ATG10: variants seen among roughly 807,000 people sequenced by gnomAD.
ATG10 encodes ubiquitin-like-conjugating enzyme ATG10.
A neutral mutation model predicts 32.1 loss-of-function variants in ATG10; 30 were observed. That is an observed-to-expected ratio of 0.94 (90% confidence interval 0.70 to 1.27). The LOEUF (loss-of-function observed/expected upper bound fraction) is 1.27, where lower values mean the gene tolerates loss of function less well. Among genes scored for constraint, ATG10 ranks in the 50% most tolerant of loss-of-function variants. ATG10 has a pLI of 0.00. For missense variants in ATG10, 233 were observed against 262.3 expected (o/e 0.89, Z 0.77); for synonymous variants, 87 against 91.5 (o/e 0.95, Z 0.28).
At chr5:82,057,242 T>C (rs1203751856) in intron 2 of ATG10, among the ~76,000 whole-genome samples, 2 of 152,172 alleles carry the variant, frequency 1.3e-5, no homozygotes, top group Non-Finnish European at 2.9e-5. Flanking sequence ...GTCAAGTGTC[T>C]TAAAAAATAG....
intron 2 of ATG10, chr5:82,010,239 C>T: frequency 1.4e-6 from 1 of 713,326 alleles, no homozygotes; most frequent in Non-Finnish European, 2.4e-6. Context: ...GAAAAATAAC[C>T]AATTATTTCA....
intron 2 of ATG10, among the ~76,000 whole-genome samples, chr5:81,999,155 A>G (rs899999062): frequency 3.9e-5 from 6 of 151,990 alleles, no homozygotes; most frequent in Admixed American, 3.9e-4. Flanking sequence ...AAAAAAAAAA[A>G]AAAAGCAGAA....
At chr5:82,063,922 T>A (rs955354097) in intron 3 of ATG10, among the ~76,000 whole-genome samples, 1 of 151,868 alleles carries the variant, frequency 6.6e-6, no homozygotes, top group African/African-American at 2.4e-5. Flanking sequence ...CACAACAGAC[T>A]CCCATGACAC....
At position 82,255,462 on chromosome 5, in the gene ATG10, G is replaced by A. The variant is rs1747429302; in HGVS notation, c.*1399G>A. On this transcript the variant is annotated 3_prime_UTR_variant, in exon 8 of 8. Transcript: ENST00000282185. ...TAGGAGCTGAAACGAAGATTAAAAT[G>A]TCATTGGCTTTTTAGAGAGTCTAGA... 6.6e-6 allele frequency: 1 copy of A among 152,038 alleles called. No individual in the cohort carries two copies. Among genetic ancestry groups the A allele is most frequent in the Admixed American group, 6.6e-5 (1 of 15,256 alleles). 9.4% of individuals were successfully genotyped at this position (152,038 alleles called of 1,614,324 possible).
intron 2 of ATG10, among the ~76,000 whole-genome samples, chr5:82,018,889 C>T (rs759950303): frequency 9.2e-5 from 14 of 152,166 alleles, no homozygotes; most frequent in African/African-American, 2.7e-4. Context: ...CTGCTATTTT[C>T]GTCTTCTTAC....
At chr5:82,212,045 T>A (rs1745514059) in intron 5 of ATG10, among the ~76,000 whole-genome samples, 1 of 152,196 alleles carries the variant, frequency 6.6e-6, no homozygotes, top group Non-Finnish European at 1.5e-5. Flanking sequence ...CATGCAAAAC[T>A]GCCAAGTCAT....
chr5:82,188,836 T>G (rs917164078), intron 5 of ATG10, among the ~76,000 whole-genome samples: 1 of 152,152 alleles, frequency 6.6e-6, no homozygotes, highest in Non-Finnish European at 1.5e-5. Context: ...AGTTGCTGTA[T>G]ACACATAATT....
intron 5 of ATG10, among the ~76,000 whole-genome samples, chr5:82,183,773 C>T (rs1744342309): frequency 6.6e-6 from 1 of 152,130 alleles, no homozygotes; most frequent in African/African-American, 2.4e-5. Flanking sequence ...GATTCTTTCC[C>T]TTTGTGAGCT....
At chr5:82,060,342 A>G (rs910644522) in intron 3 of ATG10, among the ~76,000 whole-genome samples, 1 of 152,184 alleles carries the variant, frequency 6.6e-6, no homozygotes, top group Non-Finnish European at 1.5e-5. Flanking sequence ...AATACATCTT[A>G]TTTTTTGATG....
chr5:82,239,973 C>T (rs1033945015), intron 5 of ATG10, among the ~76,000 whole-genome samples: 2 of 152,036 alleles, frequency 1.3e-5, no homozygotes, highest in Non-Finnish European at 2.9e-5. Flanking sequence ...AATGAAATAT[C>T]GTCTCACTCC....
At chr5:82,078,351 A>G (rs1045090573) in intron 3 of ATG10, 1 of 152,232 alleles carries the variant, frequency 6.6e-6, no homozygotes, top group Admixed American at 6.5e-5. Context: ...AGGCACAATC[A>G]TTCCTATGAC....
At chr5:82,093,393 C>A (rs1764954656) in intron 3 of ATG10, among the ~76,000 whole-genome samples, 1 of 152,152 alleles carries the variant, frequency 6.6e-6, no homozygotes, top group Non-Finnish European at 1.5e-5. Context: ...TTTCTTTATT[C>A]CCTTCTCAGT....
At chr5:81,981,723 G>T (rs1181246353) in intron 1 of ATG10, among the ~76,000 whole-genome samples, 1 of 152,096 alleles carries the variant, frequency 6.6e-6, no homozygotes, top group Admixed American at 6.5e-5. Context: ...GTCCTATTAT[G>T]ACTTTGATGT....
chr5:82,208,771 A>G (rs956809321), intron 5 of ATG10, among the ~76,000 whole-genome samples: 1 of 152,230 alleles, frequency 6.6e-6, no homozygotes, highest in Non-Finnish European at 1.5e-5. Context: ...ATCTTTTGAG[A>G]TAATCAAATG....
At chr5:81,988,274 C>T (rs1361784448) in intron 2 of ATG10, among the ~76,000 whole-genome samples, 1 of 152,044 alleles carries the variant, frequency 6.6e-6, no homozygotes, top group African/African-American at 2.4e-5. Flanking sequence ...GTAGCTGGGA[C>T]TACAGATGTG....
In ATG10 at chr5:82,123,882, G is replaced by A. The variant is rs540179057; in HGVS notation, c.217-40517G>A. Among the ~76,000 whole-genome samples the A allele has an allele frequency of 2.0e-4, 31 of 151,964 alleles. No individual in the cohort carries two copies. In the South Asian group the frequency reaches 3.3e-3, roughly 16 times the overall value. The stretch of plus-strand genomic sequence containing the variant: ...GCCTAGGAGGTCGAGGCTGTGATTA[G>A]CTGTGATTGCACCACTGCACTCCAG... On this transcript the variant is annotated intron_variant, in intron 3 of 7. Coordinates refer to ENST00000282185, the MANE Select transcript of ATG10 (RefSeq NM_031482.5).
chr5:82,157,700 A>T (rs1767860200), intron 3 of ATG10, among the ~76,000 whole-genome samples: 1 of 152,156 alleles, frequency 6.6e-6, no homozygotes, highest in Non-Finnish European at 1.5e-5. Context: ...ATCACTTCTG[A>T]AAATATTAAA....
chr5:82,186,663 G>A (rs974219738), intron 5 of ATG10, among the ~76,000 whole-genome samples: 12 of 148,512 alleles, frequency 8.1e-5, no homozygotes, highest in Admixed American at 2.7e-4. Context: ...ACATGATCTC[G>A]GCTCACTGCA....
At chr5:82,072,706 T>G (rs888536609) in intron 3 of ATG10, among the ~76,000 whole-genome samples, 1 of 152,174 alleles carries the variant, frequency 6.6e-6, no homozygotes, top group East Asian at 1.9e-4. Context: ...AAGTGTCTTA[T>G]TGGACACAAG....
Sources: allele counts gnomAD v4.1 joint callset (sites outside exome capture counted in the v4.1 genomes callset), GRCh38; gene constraint gnomAD v4.1.1; transcripts MANE v1.5; gene names NCBI Gene and HGNC (gene_info 2026-07-23, HGNC 2026-07-21).